NEGR1: variants seen among roughly 807,000 people sequenced by gnomAD.
NEGR1 encodes the protein IgLON family member 4.
NEGR1 carries 10 observed loss-of-function variants against 40.9 expected under a neutral mutation model. The observed-to-expected ratio is 0.24, with a 90% CI of 0.15 to 0.42. The LOEUF (loss-of-function observed/expected upper bound fraction) is 0.42. Ranked by LOEUF, NEGR1 falls within the 10% of genes least tolerant of loss-of-function variation. The pLI is 1.00. For synonymous variants in NEGR1, 185 were observed against 166.8 expected, an observed-to-expected ratio of 1.11 and a Z score of -0.84; for missense variants, 352 against 438.9, an observed-to-expected ratio of 0.80 and a Z score of 1.77.
At chr1:72,126,640 T>C (rs1650034977) in intron 1 of NEGR1, among the ~76,000 whole-genome samples, 1 of 152,208 alleles carries the variant, frequency 6.6e-6, no homozygotes, top group Non-Finnish European at 1.5e-5. Context: ...TCAAGAATTC[T>C]GAAGGGTCAG....
intron 1 of NEGR1, among the ~76,000 whole-genome samples, chr1:72,230,845 C>A (rs985855371): frequency 6.6e-6 from 1 of 152,158 alleles, no homozygotes; most frequent in Non-Finnish European, 1.5e-5. Context: ...TCTGGAACTA[C>A]ATCCTGCCAT....
intron 1 of NEGR1, among the ~76,000 whole-genome samples, chr1:72,167,876 T>C (rs1651821243): frequency 6.6e-6 from 1 of 151,988 alleles, no homozygotes; most frequent in African/African-American, 2.4e-5. Context: ...TATTAGTTTA[T>C]AAAACTCATC....
At chr1:71,569,915 C>G (rs1648754898) in intron 6 of NEGR1, among the ~76,000 whole-genome samples, 1 of 152,172 alleles carries the variant, frequency 6.6e-6, no homozygotes, top group South Asian at 2.1e-4. Context: ...GACTGAAGCA[C>G]TGGGTTTCTT....
chr1:71,669,174 A>T (rs1015713762), intron 4 of NEGR1, among the ~76,000 whole-genome samples: 1 of 152,094 alleles, frequency 6.6e-6, no homozygotes, highest in African/African-American at 2.4e-5. Flanking sequence ...CTTAAAGTCT[A>T]ATTTGATATT....
Position 71,402,410 on chromosome 1 carries a change from G to A in NEGR1, c.*5036C>T, listed in dbSNP as rs1467244124. On this transcript the variant is annotated 3_prime_UTR_variant, in exon 7 of 7. Transcript: ENST00000357731. Reference sequence around the variant, plus strand: ...TTTCTTAGACTGAAGGAAAGCCCTGGGAGAGATTGGTCTAGCTTTAGGATG... The same window carrying A: ...TTTCTTAGACTGAAGGAAAGCCCTGAGAGAGATTGGTCTAGCTTTAGGATG... 5 of 152,078 alleles carry A rather than the reference G, an allele frequency of 3.3e-5. No individual in the cohort carries two copies. The highest frequency in any genetic ancestry group is 3.9e-4 in the East Asian group (2 of 5,178). The allele number at this position is 152,078 out of a possible 1,614,324, so 9.4% of individuals were successfully genotyped here. A position where few individuals can be genotyped will look rare whatever the true frequency, so the allele number is the denominator to read the frequency against.
At chr1:71,535,246 A>G (rs1225449975) in intron 6 of NEGR1, among the ~76,000 whole-genome samples, 1 of 151,676 alleles carries the variant, frequency 6.6e-6, no homozygotes, top group Non-Finnish European at 1.5e-5. Flanking sequence ...GTGATCTTCA[A>G]TTTCCTCGAC....
At chr1:71,929,926 C>T (rs958468890) in intron 2 of NEGR1, among the ~76,000 whole-genome samples, 7 of 151,936 alleles carry the variant, frequency 4.6e-5, no homozygotes, top group Non-Finnish European at 7.4e-5. Context: ...GAGAATATGG[C>T]TTTATACTTG....
Position 71,432,961 on chromosome 1 carries a change from C to T in NEGR1, c.941-25391G>A, listed in dbSNP as rs576948033. 1.8e-4 allele frequency among the ~76,000 whole-genome samples: 28 copies of T among 152,226 alleles called. No individual in the cohort carries two copies. In the East Asian group the frequency reaches 4.5e-3, roughly 24 times the overall value. On this transcript the variant is annotated intron_variant, in intron 6 of 6. Coordinates refer to ENST00000357731, the MANE Select transcript of NEGR1 (RefSeq NM_173808.3). Reference sequence around the variant, plus strand: ...GTTGATTTATCATTGAAACCTTGGGCGGCCAAGGGCCTTGCCTCCCATAAA... The same window carrying T: ...GTTGATTTATCATTGAAACCTTGGGTGGCCAAGGGCCTTGCCTCCCATAAA...
intron 4 of NEGR1, among the ~76,000 whole-genome samples, chr1:71,658,761 T>G (rs890747203): frequency 1.3e-5 from 2 of 152,196 alleles, no homozygotes; most frequent in Non-Finnish European, 2.9e-5. Context: ...TTGGAGATCT[T>G]GTTGAGGAAC....
chr1:72,115,163 G>A (rs1649533935), intron 1 of NEGR1, among the ~76,000 whole-genome samples: 1 of 151,588 alleles, frequency 6.6e-6, no homozygotes, highest in Admixed American at 6.6e-5. Context: ...GAATGCAAGT[G>A]CCTAAGAAGC....
chr1:71,776,296 A>C lies in NEGR1; in HGVS notation c.411T>G (p.Val137=). ...RTMQVHLTVQ[V]PPKIYDISND... ...TTGAGATGTCATATATCTTAGGAGG[A>C]ACTGAAATGACAAAATACGCAGTGA... Residue 137 remains valine, a splice_region_variant and synonymous_variant, in exon 3 of 7, where the codon GTT becomes GTG. Coordinates refer to ENST00000357731, the MANE Select transcript of NEGR1 (RefSeq NM_173808.3). The C allele has an allele frequency of 1.3e-6, 2 of 1,559,974 alleles. No individual in the cohort carries two copies. Among genetic ancestry groups the C allele is most frequent in the Non-Finnish European group, 1.7e-6 (2 of 1,147,982 alleles).
intron 4 of NEGR1, among the ~76,000 whole-genome samples, chr1:71,613,528 T>C (rs980520811): frequency 8.6e-5 from 13 of 151,854 alleles, no homozygotes. Flanking sequence ...GCACCTGTAA[T>C]CCCAGCTGAA....
intron 1 of NEGR1, among the ~76,000 whole-genome samples, chr1:72,083,005 T>C (rs1050063573): frequency 2.0e-5 from 3 of 152,126 alleles, no homozygotes; most frequent in Non-Finnish European, 4.4e-5. Context: ...TTATTTTATC[T>C]AAAACACAAA....
intron 3 of NEGR1, among the ~76,000 whole-genome samples, chr1:71,762,940 G>C (rs960813510): frequency 6.6e-6 from 1 of 151,876 alleles, no homozygotes; most frequent in African/African-American, 2.4e-5. Flanking sequence ...TAAAAGAATT[G>C]CCAGAAAAAG....
chr1:71,710,819 T>C (rs933183814), intron 3 of NEGR1, among the ~76,000 whole-genome samples: 2 of 152,142 alleles, frequency 1.3e-5, no homozygotes, highest in African/African-American at 2.4e-5. Flanking sequence ...TACTGTTTGA[T>C]AGCACAATAG....
At chr1:71,471,116 G>C (rs1646779082) in intron 6 of NEGR1, among the ~76,000 whole-genome samples, 1 of 151,994 alleles carries the variant, frequency 6.6e-6, no homozygotes, top group Non-Finnish European at 1.5e-5. Flanking sequence ...CAGCTTACTA[G>C]CTATATTAAT....
chr1:72,011,582 C>T (rs973535140), intron 1 of NEGR1, among the ~76,000 whole-genome samples: 5 of 152,058 alleles, frequency 3.3e-5, no homozygotes, highest in South Asian at 2.1e-4. Flanking sequence ...ATTAATGAGC[C>T]ACAATATTTG....
intron 1 of NEGR1, among the ~76,000 whole-genome samples, chr1:71,948,712 A>G (rs1646043138): frequency 6.6e-6 from 1 of 152,112 alleles, no homozygotes; most frequent in Non-Finnish European, 1.5e-5. Context: ...GGATCCATCC[A>G]GCAGCAGCAT....
At chr1:71,759,041 CT>C (rs1655842734) in intron 3 of NEGR1, among the ~76,000 whole-genome samples, 1 of 152,078 alleles carries the variant, frequency 6.6e-6, no homozygotes, top group African/African-American at 2.4e-5. Context: ...CACAAGAATA[CT>C]AGTTACTATG....
Sources: allele counts gnomAD v4.1 joint callset (sites outside exome capture counted in the v4.1 genomes callset), GRCh38; gene constraint gnomAD v4.1.1; transcripts MANE v1.5; gene names NCBI Gene and HGNC (gene_info 2026-07-23, HGNC 2026-07-21).